Variants in NEK8 observed in about 807,000 individuals in gnomAD.
NEK8 encodes the protein serine/threonine-protein kinase Nek8.
A neutral mutation model predicts 77.2 loss-of-function variants in NEK8; 51 were observed. The observed-to-expected ratio is 0.66, with a 90% CI of 0.53 to 0.83. NEK8 has a LOEUF of 0.83. Among genes scored for constraint, NEK8 ranks in the 40% least tolerant of loss-of-function variants. The probability of loss-of-function intolerance (pLI) is 0.00; values close to 1 mark genes in which losing one functional copy is unlikely to be tolerated. For synonymous variants in NEK8, 365 were observed against 363.2 expected, an observed-to-expected ratio of 1.00 and a Z score of -0.06; for missense variants, 787 against 909.2, an observed-to-expected ratio of 0.87 and a Z score of 1.73.
rs367654888 is a variant in NEK8, at chr17:28,738,136, G to A, written c.1113G>A (p.Gly371=). 5 of 1,613,950 alleles carry A rather than the reference G, an allele frequency of 3.1e-6. No homozygotes were observed. The highest frequency in any genetic ancestry group is 4.2e-6 in the Non-Finnish European group (5 of 1,179,966). ...LGAGGGSLLP[G]AVEQPQPQFI... ...CAGGCGGAGGCAGTCTCCTTCCTGG[G>A]GCAGTGGAGCAGCCACAGCCCCAGT... The change falls in exon 8 of 15, where the codon GGG becomes GGA. Residue 371 remains glycine, a synonymous_variant. Coordinates refer to ENST00000268766, the MANE Select transcript of NEK8 (RefSeq NM_178170.3).
intron 2 of NEK8, chr17:28,734,450 C>T (rs1176852744): frequency 1.6e-5 from 9 of 566,174 alleles, no homozygotes; most frequent in East Asian, 3.1e-5. Context: ...CCGAGGCGGG[C>T]GGATCATGAG....
chr17:28,731,908 A>ATTTTTTTTTTTT (rs71135844), intron 1 of NEK8, among the ~76,000 whole-genome samples: 5 of 52,526 alleles, frequency 9.5e-5, no homozygotes, highest in African/African-American at 3.2e-4. Flanking sequence ...CCTGGCCCCA[A>ATTTTTTTTTTTT]TTTTTTTTTT....
At position 28,735,317 on chromosome 17, in the gene NEK8, C is replaced by T; in HGVS notation, c.564C>T (p.Ala188=). Residue 188 remains alanine (A), a synonymous_variant, in exon 4 of 15, where the codon GCC becomes GCT. Transcript: ENST00000268766. ...ACAACCAGAAGAGTGACATCTGGGC[C>T]CTGGGCTGTGTCCTCTACGAGCTGG... ...KPYNQKSDIW[A]LGCVLYELAS... 6.2e-7 allele frequency: 1 copy of T among 1,614,092 alleles called. No individual in the cohort carries two copies.
Position 28,734,790 on chromosome 17 carries a change from T to C in NEK8, c.272T>C (p.Phe91Ser). The stretch of plus-strand genomic sequence containing the variant: ...GCCACAGGCGGCACTCTGGCTGAGT[T>C]CATCCAAAAGCGCTGTAATTCCCTG... Reference protein sequence around the residue: ...EYAPGGTLAEFIQKRCNSLLE... With the variant: ...EYAPGGTLAESIQKRCNSLLE... The change falls in exon 3 of 15, where the codon TTC (phenylalanine) becomes TCC (serine). Residue 91 changes from phenylalanine (F) to serine (S), a missense_variant. Phe to Ser is a radical substitution (Grantham distance 155, BLOSUM62 -2). Transcript: ENST00000268766. 1 of 1,613,640 alleles carries C rather than the reference T, an allele frequency of 6.2e-7. No individual in the cohort carries two copies. Among genetic ancestry groups the C allele is most frequent in the Non-Finnish European group, 8.5e-7 (1 of 1,179,946 alleles).
chr17:28,734,207 A>C lies in NEK8; in HGVS notation c.253+19A>C, dbSNP rs983686212. 6.2e-7 allele frequency: 1 copy of C among 1,609,754 alleles called. No homozygotes were observed. The highest frequency in any genetic ancestry group is 1.3e-5 in the African/African-American group (1 of 74,982). Reference sequence around the variant, plus strand: ...GCACCAGGTGGGCCAGCCTCCTTACAGTGGCCTGGCTGGAGGGCCTCTTAC... The same window carrying C: ...GCACCAGGTGGGCCAGCCTCCTTACCGTGGCCTGGCTGGAGGGCCTCTTAC... On this transcript the variant is annotated intron_variant, in intron 2 of 14. Transcript: ENST00000268766.
chr17:28,736,918 T>A (rs2034370682), intron 4 of NEK8, among the ~76,000 whole-genome samples: 1 of 152,242 alleles, frequency 6.6e-6, no homozygotes, highest in Non-Finnish European at 1.5e-5. Context: ...AACATGTAAG[T>A]CTTTAGTCCA....
At position 28,741,618 on chromosome 17, in the gene NEK8, T is replaced by C. The variant is rs1462985192; in HGVS notation, c.2050+47T>C. On this transcript the variant is annotated intron_variant, in intron 14 of 14. Coordinates refer to ENST00000268766, the MANE Select transcript of NEK8 (RefSeq NM_178170.3). This position sits in a 1 kb window ranked among gnomAD's most constrained non-coding sequence, Gnocchi z 4.5. Reference sequence around the variant, plus strand: ...TTCACCACACAGCCCAGCTGGCCCCTGTCCACACTCCCATCCCCAGTGTTC... The same window carrying C: ...TTCACCACACAGCCCAGCTGGCCCCCGTCCACACTCCCATCCCCAGTGTTC... The C allele has an allele frequency of 6.3e-7, 1 of 1,594,110 alleles. No individual in the cohort carries two copies. The highest frequency in any genetic ancestry group is 2.2e-5 in the East Asian group (1 of 44,774).
chr17:28,741,613 G>A lies in NEK8; in HGVS notation c.2050+42G>A, dbSNP rs754406503. ...CCCACTTCACCACACAGCCCAGCTG[G>A]CCCCTGTCCACACTCCCATCCCCAG... On this transcript the variant is annotated intron_variant, in intron 14 of 14. Coordinates refer to ENST00000268766, the MANE Select transcript of NEK8 (RefSeq NM_178170.3). This position sits in a 1 kb window ranked among gnomAD's most constrained non-coding sequence, Gnocchi z 4.5. 1 of 1,607,038 alleles carries A rather than the reference G, an allele frequency of 6.2e-7. No individual in the cohort carries two copies. The highest frequency in any genetic ancestry group is 1.7e-5 in the Admixed American group (1 of 60,012).
chr17:28,740,488 G>A lies in NEK8; in HGVS notation c.1443G>A (p.Glu481=). 3 of 1,614,132 alleles carry A rather than the reference G, an allele frequency of 1.9e-6. No homozygotes were observed. The highest frequency in any genetic ancestry group is 1.1e-5 in the South Asian group (1 of 91,082). ...GCAGACTGGGGCTAGGCACCAGGGA[G>A]TCCCACAGCTGCCCCCAGCAGGTGC... ...DSGRLGLGTR[E]SHSCPQQVPM... The change falls in exon 11 of 15, where the codon GAG becomes GAA. Residue 481 remains glutamate, a synonymous_variant. Coordinates refer to ENST00000268766, the MANE Select transcript of NEK8 (RefSeq NM_178170.3). The surrounding 1 kb of genome is among the most constrained non-coding windows in gnomAD (Gnocchi z 4.7).
Position 28,742,808 on chromosome 17 carries a change from C to CACGCCTGTAA in NEK8, c.*822_*831dup, listed in dbSNP as rs2034439926. ...GAAAATAAGGCTGGGTGCGGTGGCT[C>CACGCCTGTAA]ACGCCTGTAATTCCAGCACTTTGGG... is the stretch of plus-strand genomic sequence containing the variant. On this transcript the variant is annotated 3_prime_UTR_variant, in exon 15 of 15. Coordinates refer to ENST00000268766, the MANE Select transcript of NEK8 (RefSeq NM_178170.3). 6.6e-6 allele frequency: 1 copy of CACGCCTGTAA among 151,684 alleles called. No individual in the cohort carries two copies. Among genetic ancestry groups the CACGCCTGTAA allele is most frequent in the African/African-American group, 2.4e-5 (1 of 41,326 alleles). 9.4% of individuals were successfully genotyped at this position (151,684 alleles called of 1,614,324 possible).
Position 28,740,666 on chromosome 17 carries a change from G to A in NEK8, c.1568+53G>A, listed in dbSNP as rs1297938712. ...TGCCCCTGGCTCTCCTTGGCTGCAA[G>A]TGCTCCGTCCATCATTGCCTACCTT... On this transcript the variant is annotated intron_variant, in intron 11 of 14. Coordinates refer to ENST00000268766, the MANE Select transcript of NEK8 (RefSeq NM_178170.3). This position sits in a 1 kb window ranked among gnomAD's most constrained non-coding sequence, Gnocchi z 4.7. The A allele has an allele frequency of 7.5e-6, 12 of 1,606,406 alleles. No homozygotes were observed. Among genetic ancestry groups the A allele is most frequent in the Non-Finnish European group, 8.5e-6 (10 of 1,173,408 alleles).
At chr17:28,728,954 C>G (rs2034278151) in intron 1 of NEK8, 94 bp downstream of exon 1, 3 of 1,192,276 alleles carry the variant, frequency 2.5e-6, no homozygotes, top group Non-Finnish European at 2.4e-6. Context: ...AATCCCGCCC[C>G]AAGGCGTGAG....
rs778770826 is a variant in NEK8 at position 28,735,371 on chromosome 17, G to A, written c.618G>A (p.Ala206=). ...GCCTCAAGAGGGCTTTCGAGGCTGC[G>A]GTGAGTGTATGCACCCTCCAGGGGA... ...LASLKRAFEA[A]NLPALVLKIM... is the part of the protein sequence containing the mutation. Residue 206 remains alanine (A), a splice_region_variant and synonymous_variant, in exon 4 of 15, where the codon GCG becomes GCA. Coordinates refer to ENST00000268766, the MANE Select transcript of NEK8 (RefSeq NM_178170.3). 6.1e-5 allele frequency: 98 copies of A among 1,613,118 alleles called. No homozygotes were observed. The highest frequency in any genetic ancestry group is 8.1e-5 in the Non-Finnish European group (96 of 1,179,732).
At position 28,743,001 on chromosome 17, in the gene NEK8, A is replaced by T. The variant is rs553371561; in HGVS notation, c.*1014A>T. The T allele has an allele frequency of 7.6e-6, 1 of 132,246 alleles. No individual in the cohort carries two copies. Among genetic ancestry groups the T allele is most frequent in the African/African-American group, 2.9e-5 (1 of 34,052 alleles). 8.2% of individuals were successfully genotyped at this position (132,246 alleles called of 1,614,324 possible). On this transcript the variant is annotated 3_prime_UTR_variant, in exon 15 of 15. Coordinates refer to ENST00000268766, the MANE Select transcript of NEK8 (RefSeq NM_178170.3). ...GGCAAGAGAATCCCTTGAACCCGGG[A>T]GGTGAAGTTTGCAGTGAGCCGAGAT...
intron 3 of NEK8, 43 bp from the exon 4 acceptor site, chr17:28,735,197 C>A: frequency 6.2e-7 from 1 of 1,612,710 alleles, no homozygotes; most frequent in Non-Finnish European, 8.5e-7. Context: ...AGCCCCTGGT[C>A]TTCCCTCCCT....
At chr17:28,735,059 C>G in intron 3 of NEK8, 55 bp downstream of exon 3, 2 of 1,516,690 alleles carry the variant, frequency 1.3e-6, no homozygotes, top group African/African-American at 2.7e-5. Flanking sequence ...GGGCCAGGAC[C>G]TAACCCTGCC....
At position 28,740,905 on chromosome 17, in the gene NEK8, C is replaced by A; in HGVS notation, c.1652C>A (p.Thr551Lys). Residue 551 changes from threonine (T) to lysine (K), a missense_variant, in exon 12 of 15, where the codon ACA becomes AAA. Thr to Lys is a moderately conservative substitution (Grantham distance 78). Around this residue, in one of 2 missense-constraint regions of NEK8, gnomAD observed 516 missense variants for 544.0 expected, o/e 0.95. Coordinates refer to ENST00000268766, the MANE Select transcript of NEK8 (RefSeq NM_178170.3). The surrounding 1 kb of genome is among the most constrained non-coding windows in gnomAD (Gnocchi z 4.7). The stretch of plus-strand genomic sequence containing the variant: ...CAAGTGGAGGAGGCCCTGAGCTTCA[C>A]ACTACTAGGCTCTGCACCCCTGGAC... ...HQQVEEALSF[T>K]LLGSAPLDQE... The A allele has an allele frequency of 6.2e-7, 1 of 1,614,118 alleles. No individual in the cohort carries two copies. Among genetic ancestry groups the A allele is most frequent in the Non-Finnish European group, 8.5e-7 (1 of 1,179,994 alleles).
intron 1 of NEK8, among the ~76,000 whole-genome samples, chr17:28,731,704 C>T (rs1019935811): frequency 4.7e-5 from 7 of 150,514 alleles, no homozygotes; most frequent in South Asian, 2.1e-4. Context: ...CCCAGGTTCA[C>T]GCCATTCTTC....
Position 28,737,891 on chromosome 17 carries a change from T to G in NEK8, c.962T>G (p.Leu321Arg). ...TCAGTGTATGCCTGGGGTGGTGGGC[T>G]GGGCACCCCCCTGCGGCTGCCAATG... ...LSSVYAWGGG[L>R]GTPLRLPMLN... is the part of the protein sequence containing the mutation. Residue 321 changes from leucine (L) to arginine (R), a missense_variant, in exon 7 of 15, where the codon CTG becomes CGG. Coordinates refer to ENST00000268766, the MANE Select transcript of NEK8 (RefSeq NM_178170.3). The surrounding 1 kb of genome is among the most constrained non-coding windows in gnomAD (Gnocchi z 4.8). 1 of 1,613,854 alleles carries G rather than the reference T, an allele frequency of 6.2e-7. No individual in the cohort carries two copies. The highest frequency in any genetic ancestry group is 8.5e-7 in the Non-Finnish European group (1 of 1,179,984).
Sources: gnomAD v4.1 joint callset for allele counts (sites outside exome capture counted in the v4.1 genomes callset) on GRCh38, gnomAD v4.1.1 for gene constraint, gnomAD v4.1.1 regional missense constraint, Gnocchi (gnomAD v3.1) non-coding constraint, MANE v1.5 for transcripts, NCBI Gene and HGNC (gene_info 2026-07-23, HGNC 2026-07-21) for gene names.